Variants in FGFR3 observed in about 807,000 individuals in gnomAD.
FGFR3 encodes fibroblast growth factor receptor 3.
FGFR3 carries 25 observed loss-of-function variants against 82.9 expected under a neutral mutation model. That is an observed-to-expected ratio of 0.30 (90% CI 0.22 to 0.42). The LOEUF is 0.42. Ranked by LOEUF, FGFR3 falls within the 10% of genes least tolerant of loss-of-function variation. The probability of loss-of-function intolerance (pLI) is 1.00; values close to 1 mark genes in which losing one functional copy is unlikely to be tolerated. For synonymous variants in FGFR3, 620 were observed against 516.0 expected, an observed-to-expected ratio of 1.20 and a Z score of -2.73; for missense variants, 1,026 against 1,161.0, an observed-to-expected ratio of 0.88 and a Z score of 1.69.
intron 2 of FGFR3, 94 bp from the exon 3 acceptor site, chr4:1,799,160 C>T (rs2108771838): frequency 6.4e-7 from 1 of 1,571,478 alleles, no homozygotes; most frequent in Non-Finnish European, 8.7e-7. Flanking sequence ...TCAGAGCCTT[C>T]CTCACTCAGG....
rs1461989417 is a variant in FGFR3, at chr4:1,807,092, G to A, written c.2275-24G>A. 3.8e-6 allele frequency: 6 copies of A among 1,559,606 alleles called. No homozygotes were observed. In the East Asian group the frequency reaches 9.6e-5, roughly 25 times the overall value. The stretch of plus-strand genomic sequence containing the variant: ...GCGAAGAGGGGCTCGGTGGCACAGC[G>A]CTCACCCCGCCTCCCGCCAGCAGGA... On this transcript the variant is annotated intron_variant, in intron 17 of 17. Coordinates refer to ENST00000440486, the MANE Select transcript of FGFR3 (RefSeq NM_000142.5).
At chr4:1,797,592 G>A (rs1309055418) in intron 2 of FGFR3, among the ~76,000 whole-genome samples, 2 of 152,362 alleles carry the variant, frequency 1.3e-5, no homozygotes, top group Non-Finnish European at 2.9e-5. Context: ...AGGGCCTGCA[G>A]CTGAGGCTGC....
Position 1,799,256 on chromosome 4 carries a change from G to T in FGFR3, c.112G>T (p.Val38Phe). 2 of 1,612,462 alleles carry T rather than the reference G, an allele frequency of 1.2e-6. No homozygotes were observed. The highest frequency in any genetic ancestry group is 1.3e-5 in the African/African-American group (1 of 75,056). Residue 38 changes from valine to phenylalanine, a missense_variant and splice_region_variant, in exon 3 of 18, where the codon GTC becomes TTC. By Grantham distance (50) the Val-to-Phe change is conservative (BLOSUM62 -1). Coordinates refer to ENST00000440486, the MANE Select transcript of FGFR3 (RefSeq NM_000142.5). The part of the protein sequence containing the change: ...EQRVVGRAAE[V>F]PGPEPGQQEQ... ...ATGGTTGCCCATCTTCCCCACAGAA[G>T]TCCCGGGCCCAGAGCCCGGCCAGCA...
At position 1,807,951 on chromosome 4, in the gene FGFR3, G is replaced by C. The variant is rs1403372965; in HGVS notation, c.*689G>C. On this transcript the variant is annotated 3_prime_UTR_variant, in exon 18 of 18. Coordinates refer to ENST00000440486, the MANE Select transcript of FGFR3 (RefSeq NM_000142.5). ...AAGAGGAAAAGGCTGGTACAACGGA[G>C]GCCTGCGACCCTGGGGGCACAGGAG... The C allele has an allele frequency of 3.9e-6, 1 of 257,060 alleles. No individual in the cohort carries two copies. Among genetic ancestry groups the C allele is most frequent in the Non-Finnish European group, 7.5e-6 (1 of 132,606 alleles). 15.9% of individuals were successfully genotyped at this position (257,060 alleles called of 1,614,324 possible). A position where few individuals can be genotyped will look rare whatever the true frequency, so the allele number is the denominator to read the frequency against.
rs373496046 is a variant in FGFR3 at position 1,803,761 on chromosome 4, G to A, written c.1000G>A (p.Ala334Thr). 6 of 1,614,088 alleles carry A rather than the reference G, an allele frequency of 3.7e-6. No individual in the cohort carries two copies. Among genetic ancestry groups the A allele is most frequent in the East Asian group, 2.2e-5 (1 of 44,874 alleles). Residue 334 changes from alanine to threonine, a missense_variant, in exon 8 of 18, where the codon GCC (alanine) becomes ACC (threonine). Coordinates refer to ENST00000440486, the MANE Select transcript of FGFR3 (RefSeq NM_000142.5). ...LSLHNVTFED[A>T]GEYTCLAGNS... ...CTTGCACAACGTCACCTTTGAGGAC[G>A]CCGGGGAGTACACCTGCCTGGCGGG...
chr4:1,795,093 C>T (rs1720321831), intron 2 of FGFR3, among the ~76,000 whole-genome samples: 1 of 151,774 alleles, frequency 6.6e-6, no homozygotes, highest in African/African-American at 2.4e-5. Flanking sequence ...CCGTCGGCGG[C>T]TGCAGCCTCC....
chr4:1,801,401 C>G lies in FGFR3; in HGVS notation c.480C>G (p.Asp160Glu). ...ACTGGACACGGCCCGAGCGGATGGA[C>G]AAGAAGCTGCTGGCCGTGCCGGCCG... ...APYWTRPERM[D>E]KKLLAVPAAN... Residue 160 changes from aspartate (D) to glutamate (E), a missense_variant, in exon 5 of 18, where the codon GAC becomes GAG. Asp to Glu is a conservative substitution (Grantham distance 45, BLOSUM62 2). This residue lies in a region of FGFR3 where 147 missense variants were observed against 228.1 expected (regional missense o/e 0.64). Coordinates refer to ENST00000440486, the MANE Select transcript of FGFR3 (RefSeq NM_000142.5). 2 of 1,555,810 alleles carry G rather than the reference C, an allele frequency of 1.3e-6. No homozygotes were observed. Among genetic ancestry groups the G allele is most frequent in the Non-Finnish European group, 1.7e-6 (2 of 1,150,876 alleles).
intron 2 of FGFR3, among the ~76,000 whole-genome samples, chr4:1,795,075 C>G (rs1720318628): frequency 6.6e-6 from 1 of 151,128 alleles, no homozygotes; most frequent in South Asian, 2.1e-4. Flanking sequence ...GCCCCCGCGC[C>G]CCTTTCTCCG....
Position 1,801,395 on chromosome 4 carries a change from G to A in FGFR3, c.474G>A (p.Arg158=), listed in dbSNP as rs1413200155. 3 of 1,556,830 alleles carry A rather than the reference G, an allele frequency of 1.9e-6. No homozygotes were observed. Among genetic ancestry groups the A allele is most frequent in the Non-Finnish European group, 2.6e-6 (3 of 1,151,582 alleles). The change falls in exon 5 of 18, where the codon CGG becomes CGA. Residue 158 remains arginine (R), a synonymous_variant. Transcript: ENST00000440486. The stretch of plus-strand genomic sequence containing the variant: ...CCCCTTACTGGACACGGCCCGAGCG[G>A]ATGGACAAGAAGCTGCTGGCCGTGC... ...TGAPYWTRPE[R]MDKKLLAVPA... is the part of the protein sequence containing the mutation.
rs1370686864 is a variant in FGFR3 at position 1,801,405 on chromosome 4, A to C, written c.484A>C (p.Lys162Gln). Residue 162 changes from lysine (K) to glutamine (Q), a missense_variant, in exon 5 of 18, where the codon AAG (lysine) becomes CAG (glutamine). Physicochemically the swap from Lys to Gln is moderately conservative, Grantham distance 53. This residue lies in a region of FGFR3 where 147 missense variants were observed against 228.1 expected (regional missense o/e 0.64). Transcript: ENST00000440486. ...GACACGGCCCGAGCGGATGGACAAG[A>C]AGCTGCTGGCCGTGCCGGCCGCCAA... is the stretch of plus-strand genomic sequence containing the variant. The part of the protein sequence containing the change: ...YWTRPERMDK[K>Q]LLAVPAANTV... 17 of 1,555,096 alleles carry C rather than the reference A, an allele frequency of 1.1e-5. No homozygotes were observed. The highest frequency in any genetic ancestry group is 7.7e-5 in the Admixed American group (4 of 52,058).
rs1310092851 is a variant in FGFR3 at position 1,793,300 on chromosome 4, G to C, written c.-268G>C. 1 of 147,166 alleles carries C rather than the reference G, an allele frequency of 6.8e-6. No individual in the cohort carries two copies. The highest frequency in any genetic ancestry group is 2.0e-4 in the East Asian group (1 of 5,078). The allele number at this position is 147,166 out of a possible 1,614,324, so 9.1% of individuals were successfully genotyped here. ...GCGGGGCAGCCCAGGCTCAGTGCGCGGTGGCGGCGGCGTCGCGGGCAGCTG... is the reference window on the plus strand; with the variant it reads ...GCGGGGCAGCCCAGGCTCAGTGCGCCGTGGCGGCGGCGTCGCGGGCAGCTG... On this transcript the variant is annotated 5_prime_UTR_variant, in exon 1 of 18. Transcript: ENST00000440486.
chr4:1,806,160 A>G lies in FGFR3; in HGVS notation c.1946A>G (p.Lys649Arg), dbSNP rs1448029825. ...ARDVHNLDYY[K>R]KTTNGRLPVK... is the part of the protein sequence containing the mutation. Reference sequence around the variant, plus strand: ...GACGTGCACAACCTCGACTACTACAAGAAGACGACCAACGTGAGCCCGGCC... The same window carrying G: ...GACGTGCACAACCTCGACTACTACAGGAAGACGACCAACGTGAGCCCGGCC... Residue 649 changes from lysine to arginine, a missense_variant, in exon 14 of 18, where the codon AAG (lysine) becomes AGG (arginine). Physicochemically the swap from Lys to Arg is conservative, Grantham distance 26. This residue lies in a region of FGFR3 where 45 missense variants were observed against 80.8 expected (regional missense o/e 0.56). Transcript: ENST00000440486. 3.1e-6 allele frequency: 5 copies of G among 1,613,058 alleles called. No individual in the cohort carries two copies. Among genetic ancestry groups the G allele is most frequent in the South Asian group, 2.2e-5 (2 of 91,070 alleles).
chr4:1,803,097 G>A (rs751557454), intron 7 of FGFR3: 2 of 1,530,216 alleles, frequency 1.3e-6, no homozygotes, highest in East Asian at 2.5e-5. Context: ...GCCGGCACAA[G>A]AGCTCCAGCT....
At chr4:1,801,289 A>C in intron 4 of FGFR3, 78 bp from the exon 5 acceptor site, 1 of 1,458,650 alleles carries the variant, frequency 6.9e-7, no homozygotes, top group Non-Finnish European at 9.3e-7. Flanking sequence ...GGGCAGGGGC[A>C]GCTCTGGGAA....
At chr4:1,804,231 T>A in intron 8 of FGFR3, 99 bp from the exon 9 acceptor site, 1 of 1,383,724 alleles carries the variant, frequency 7.2e-7, no homozygotes, top group Non-Finnish European at 9.8e-7. Flanking sequence ...TGAGCCCCCT[T>A]CCGCTCCCAG....
intron 2 of FGFR3, among the ~76,000 whole-genome samples, chr4:1,795,960 C>G (rs986505828): frequency 1.3e-5 from 2 of 152,150 alleles, no homozygotes; most frequent in Admixed American, 1.3e-4. Flanking sequence ...CCCTTGTTAC[C>G]CACCCCCCAG....
rs756458104 is a variant in FGFR3 at position 1,793,921 on chromosome 4, C to T, written c.-14C>T. ...CGCGCGCTGCCTGAGGACGCCGCGG[C>T]CCCCGCCCCCGCCATGGGCGCCCCT... is the stretch of plus-strand genomic sequence containing the variant. On this transcript the variant is annotated 5_prime_UTR_variant, in exon 2 of 18. Transcript: ENST00000440486. 187 of 1,228,358 alleles carry T rather than the reference C, an allele frequency of 1.5e-4. 1 individual carries two copies. Among genetic ancestry groups the T allele is most frequent in the Admixed American group, 1.2e-3 (32 of 25,862 alleles). The allele number at this position is 1,228,358 out of a possible 1,614,324, so 76.1% of individuals were successfully genotyped here. A position where few individuals can be genotyped will look rare whatever the true frequency, so the allele number is the denominator to read the frequency against.
intron 7 of FGFR3, chr4:1,803,162 C>A: frequency 7.5e-7 from 1 of 1,332,764 alleles, no homozygotes; most frequent in Non-Finnish European, 9.7e-7. Flanking sequence ...CTGCTCGCTC[C>A]CGCCCCGGCT....
At chr4:1,793,563 C>G (rs1720083628) in intron 1 of FGFR3, 98 bp downstream of exon 1, 1 of 145,778 alleles carries the variant, frequency 6.9e-6, no homozygotes, top group Admixed American at 6.8e-5. Context: ...GTCCCTGCAG[C>G]GGGCCGGGCC....
Sources: gnomAD v4.1 joint callset for allele counts (sites outside exome capture counted in the v4.1 genomes callset) on GRCh38, gnomAD v4.1.1 for gene constraint, gnomAD v4.1.1 regional missense constraint, MANE v1.5 for transcripts, NCBI Gene and HGNC (gene_info 2026-07-23, HGNC 2026-07-21) for gene names.